Variants in GABBR2 observed in about 807,000 individuals in gnomAD.
GABBR2 encodes the protein gamma-aminobutyric acid type B receptor subunit 2.
GABBR2 carries 23 observed loss-of-function variants against 105.6 expected under a neutral mutation model. The ratio of observed to expected loss-of-function variants is 0.22; its 90% confidence interval spans 0.16 to 0.31. The LOEUF is 0.31. GABBR2 is among the 10% of genes least tolerant of loss of function. The pLI is 1.00. For missense variants in GABBR2, 734 were observed against 1,245.5 expected (o/e 0.59, Z 6.18); for synonymous variants, 478 against 499.7 (o/e 0.96, Z 0.58).
intron 1 of GABBR2, among the ~76,000 whole-genome samples, chr9:98,690,822 G>A (rs1830673972): frequency 6.6e-6 from 1 of 152,154 alleles, no homozygotes; most frequent in Non-Finnish European, 1.5e-5. Context: ...TGCATCAAAA[G>A]GGCAACTTCC....
chr9:98,345,243 G>C (rs946320546), intron 13 of GABBR2, among the ~76,000 whole-genome samples: 1 of 152,026 alleles, frequency 6.6e-6, no homozygotes, highest in Non-Finnish European at 1.5e-5. Context: ...TTCCAGCCTC[G>C]CCCCTCCATC....
intron 6 of GABBR2, among the ~76,000 whole-genome samples, chr9:98,458,549 C>G (rs534488247): frequency 6.6e-6 from 1 of 152,142 alleles, no homozygotes; most frequent in Admixed American, 6.5e-5. Flanking sequence ...ACTAAAAATA[C>G]AAAAAGTTAG....
rs565513030 is a variant in GABBR2, at chr9:98,311,178, T to C, written c.1921A>G (p.Ile641Val). Residue 641 changes from isoleucine to valine, a missense_variant, in exon 14 of 19, where the codon ATC (isoleucine) becomes GTC (valine). Around this residue, in one of 7 missense-constraint regions of GABBR2, gnomAD observed 52 missense variants for 81.3 expected, o/e 0.64. Coordinates refer to ENST00000259455, the MANE Select transcript of GABBR2 (RefSeq NM_005458.8). Reference sequence around the variant, plus strand: ...TCACAGTGCTCCAGGAGAGGGCGGATGGAGATATCCCGTCCTGCTGGGTCC... The same window carrying C: ...TCACAGTGCTCCAGGAGAGGGCGGACGGAGATATCCCGTCCTGCTGGGTCC... ...EPDPAGRDIS[I>V]RPLLEHCENT... 40 of 1,612,368 alleles carry C rather than the reference T, an allele frequency of 2.5e-5. No homozygotes were observed. In the Admixed American group the frequency reaches 5.0e-4, roughly 20 times the overall value.
Position 98,559,151 on chromosome 9 carries a change from A to T in GABBR2, c.460-17108T>A, listed in dbSNP as rs575223903. Among the ~76,000 whole-genome samples the T allele has an allele frequency of 3.6e-4, 54 of 150,796 alleles. No individual in the cohort carries two copies. In the South Asian group the frequency reaches 0.011, roughly 31 times the overall value. ...ATTTATTTTTATTTTATTTATTGAGACAGGGTCTCACTCTGTTGCCCAGGC... is the reference window on the plus strand; with the variant it reads ...ATTTATTTTTATTTTATTTATTGAGTCAGGGTCTCACTCTGTTGCCCAGGC... On this transcript the variant is annotated intron_variant, in intron 2 of 18. Transcript: ENST00000259455.
intron 4 of GABBR2, among the ~76,000 whole-genome samples, chr9:98,493,192 G>C (rs1344031149): frequency 6.6e-6 from 1 of 152,056 alleles, no homozygotes; most frequent in East Asian, 1.9e-4. Context: ...TCTTTCAATT[G>C]GCAACTGTAC....
chr9:98,378,281 C>T (rs765904375), intron 11 of GABBR2, among the ~76,000 whole-genome samples: 7 of 152,164 alleles, frequency 4.6e-5, no homozygotes, highest in Non-Finnish European at 1.0e-4. Context: ...GCCTCCCCTG[C>T]CCCACCCCTG....
chr9:98,610,893 G>T lies in GABBR2; in HGVS notation c.322-32821C>A, dbSNP rs1176895066. 4.6e-5 allele frequency among the ~76,000 whole-genome samples: 7 copies of T among 152,166 alleles called. No individual in the cohort carries two copies. The East Asian group carries it at 1.3e-3, about 29-fold the overall frequency. On this transcript the variant is annotated intron_variant, in intron 1 of 18. Coordinates refer to ENST00000259455, the MANE Select transcript of GABBR2 (RefSeq NM_005458.8). ...CTTAATCCCAGTTACTCAGGAAGCTGAGGCAGGAGAATTGCTTGAGCCCGG... is the reference window on the plus strand; with the variant it reads ...CTTAATCCCAGTTACTCAGGAAGCTTAGGCAGGAGAATTGCTTGAGCCCGG...
chr9:98,317,521 G>A (rs771841153), intron 13 of GABBR2, among the ~76,000 whole-genome samples: 3 of 152,182 alleles, frequency 2.0e-5, no homozygotes, highest in Non-Finnish European at 2.9e-5. Context: ...GGGTGATCTT[G>A]GGCAAATCCC....
At chr9:98,659,211 A>C (rs1830220980) in intron 1 of GABBR2, among the ~76,000 whole-genome samples, 1 of 152,220 alleles carries the variant, frequency 6.6e-6, no homozygotes, top group South Asian at 2.1e-4. Flanking sequence ...TTTTGCATAT[A>C]TTTCTCTGTA....
chr9:98,486,179 G>T (rs1389722738), intron 4 of GABBR2, among the ~76,000 whole-genome samples: 1 of 152,156 alleles, frequency 6.6e-6, no homozygotes, highest in Non-Finnish European at 1.5e-5. Context: ...AATAGGAGGT[G>T]GTGGCACTGG....
chr9:98,628,462 G>A (rs955434702), intron 1 of GABBR2, among the ~76,000 whole-genome samples: 7 of 152,284 alleles, frequency 4.6e-5, no homozygotes, highest in Admixed American at 2.0e-4. Context: ...GATTTTGTCA[G>A]CTCCGGGGCA....
At position 98,411,372 on chromosome 9, in the gene GABBR2, T is replaced by C. The variant is rs181752285; in HGVS notation, c.1237-5231A>G. ...CCATCCATGTGAGCTTGGATGCTCA[T>C]TGAGCGTTTCTGAGCATCAGTTCTT... On this transcript the variant is annotated intron_variant, in intron 7 of 18. Coordinates refer to ENST00000259455, the MANE Select transcript of GABBR2 (RefSeq NM_005458.8). 9.5e-4 allele frequency among the ~76,000 whole-genome samples: 144 copies of C among 152,344 alleles called. 1 individual carries two copies. The highest frequency in any genetic ancestry group is 3.3e-3 in the African/African-American group (138 of 41,578).
At chr9:98,530,224 T>G (rs1828039633) in intron 3 of GABBR2, among the ~76,000 whole-genome samples, 1 of 152,138 alleles carries the variant, frequency 6.6e-6, no homozygotes, top group Admixed American at 6.5e-5. Context: ...ATAATAAAAA[T>G]TAAATGCAGG....
intron 6 of GABBR2, among the ~76,000 whole-genome samples, chr9:98,472,304 T>C (rs150625766): frequency 3.2e-4 from 49 of 152,332 alleles, no homozygotes; most frequent in Non-Finnish European, 5.1e-4. Flanking sequence ...GAGAATGGTG[T>C]GCTTTGGAAA....
intron 7 of GABBR2, among the ~76,000 whole-genome samples, chr9:98,420,656 G>A (rs1832766892): frequency 6.6e-6 from 1 of 152,212 alleles, no homozygotes; most frequent in African/African-American, 2.4e-5. Flanking sequence ...GGCCTGGGCT[G>A]TGGGGAATCT....
chr9:98,443,249 G>C (rs932439424), intron 7 of GABBR2, among the ~76,000 whole-genome samples: 4 of 152,148 alleles, frequency 2.6e-5, no homozygotes, highest in Non-Finnish European at 5.9e-5. Context: ...GATAAAGACA[G>C]AGCCTGCACC....
intron 7 of GABBR2, among the ~76,000 whole-genome samples, chr9:98,448,175 C>T (rs1826169432): frequency 6.6e-6 from 1 of 152,182 alleles, no homozygotes; most frequent in Admixed American, 6.5e-5. Flanking sequence ...TAATGGGTCA[C>T]TCTCTTTCCA....
rs534544180 is a variant in GABBR2 at position 98,357,398 on chromosome 9, G to A, written c.1893+5317C>T. 3.2e-4 allele frequency among the ~76,000 whole-genome samples: 48 copies of A among 152,144 alleles called. No individual in the cohort carries two copies. In the Middle Eastern group the frequency reaches 0.01, roughly 33 times the overall value. Reference sequence around the variant, plus strand: ...CATGGTGGCTCATTCCTGTCATCGCGGCACTTTGGGAGGCCAGGGCAGGTG... The same window carrying A: ...CATGGTGGCTCATTCCTGTCATCGCAGCACTTTGGGAGGCCAGGGCAGGTG... On this transcript the variant is annotated intron_variant, in intron 13 of 18. Coordinates refer to ENST00000259455, the MANE Select transcript of GABBR2 (RefSeq NM_005458.8).
At chr9:98,358,754 G>C (rs983818350) in intron 13 of GABBR2, among the ~76,000 whole-genome samples, 2 of 152,198 alleles carry the variant, frequency 1.3e-5, no homozygotes, top group African/African-American at 4.8e-5. Flanking sequence ...ATGGAGTCAG[G>C]CTCCAGGACC....
Sources: allele counts gnomAD v4.1 joint callset (sites outside exome capture counted in the v4.1 genomes callset), GRCh38; gene constraint gnomAD v4.1.1; regional missense constraint gnomAD v4.1.1; transcripts MANE v1.5; gene names NCBI Gene and HGNC (gene_info 2026-07-23, HGNC 2026-07-21).